Variants in ERICH6B observed in about 807,000 individuals in gnomAD.
ERICH6B encodes the protein glutamate rich 6B.
Under a neutral mutation model 80.0 loss-of-function variants are expected in ERICH6B, and 69 were observed. The observed-to-expected ratio is 0.86, with a 90% CI of 0.71 to 1.05. ERICH6B has a LOEUF of 1.05. Among genes scored for constraint, ERICH6B ranks in the 50% least tolerant of loss-of-function variants. The pLI, the probability that ERICH6B is intolerant of heterozygous loss-of-function variation, is 0.00. For missense variants in ERICH6B, 754 were observed against 796.1 expected, an observed-to-expected ratio of 0.95 and a Z score of 0.64; for synonymous variants, 283 against 291.9, an observed-to-expected ratio of 0.97 and a Z score of 0.31.
intron 3 of ERICH6B, among the ~76,000 whole-genome samples, chr13:45,593,199 G>A (rs529374059): frequency 6.6e-6 from 1 of 152,162 alleles, no homozygotes; most frequent in African/African-American, 2.4e-5. Flanking sequence ...GGTGGGTGGG[G>A]GTTGTTAGTC....
At chr13:45,585,404 G>A (rs1015229112) in intron 5 of ERICH6B, among the ~76,000 whole-genome samples, 13 of 152,046 alleles carry the variant, frequency 8.6e-5, no homozygotes, top group African/African-American at 2.2e-4. Flanking sequence ...TCACACTTGC[G>A]CCGTTCTGTT....
intron 4 of ERICH6B, among the ~76,000 whole-genome samples, chr13:45,588,427 G>A (rs1042467977): frequency 3.9e-5 from 6 of 152,184 alleles, no homozygotes; most frequent in Non-Finnish European, 7.4e-5. Flanking sequence ...GCAGGTGACC[G>A]CAGGGATTAA....
At chr13:45,542,978 T>C (rs901591227) in intron 14 of ERICH6B, among the ~76,000 whole-genome samples, 1 of 152,230 alleles carries the variant, frequency 6.6e-6, no homozygotes, top group Admixed American at 6.5e-5. Context: ...TGCACACAGC[T>C]GCATCTATTC....
At chr13:45,581,420 A>G (rs1875661637) in intron 5 of ERICH6B, among the ~76,000 whole-genome samples, 1 of 152,178 alleles carries the variant, frequency 6.6e-6, no homozygotes, top group South Asian at 2.1e-4. Context: ...TCTGTTGCCC[A>G]GGTTGGAGTG....
At chr13:45,556,590 C>T (rs1032029201) in intron 11 of ERICH6B, among the ~76,000 whole-genome samples, 16 of 152,156 alleles carry the variant, frequency 1.1e-4, no homozygotes, top group South Asian at 4.1e-4. Flanking sequence ...TCTATTGTGT[C>T]ATTCTTATTC....
chr13:45,568,970 A>AC (rs1462273524), intron 8 of ERICH6B, among the ~76,000 whole-genome samples: 1 of 152,226 alleles, frequency 6.6e-6, no homozygotes, highest in African/African-American at 2.4e-5. Context: ...TAAGAGCGTA[A>AC]CAAGTTTTCT....
At chr13:45,591,026 G>A (rs1002623134) in intron 3 of ERICH6B, among the ~76,000 whole-genome samples, 1 of 152,206 alleles carries the variant, frequency 6.6e-6, no homozygotes, top group Non-Finnish European at 1.5e-5. Flanking sequence ...AGGTGCAGGG[G>A]ATATATGTAT....
intron 8 of ERICH6B, among the ~76,000 whole-genome samples, chr13:45,568,719 C>G (rs530522474): frequency 2.0e-5 from 3 of 152,126 alleles, no homozygotes; most frequent in Middle Eastern, 3.4e-3. Context: ...CATCCTGTAC[C>G]CTGAATTTAA....
At position 45,544,790 on chromosome 13, in the gene ERICH6B, C is replaced by T. The variant is rs1873923813; in HGVS notation, c.1842G>A (p.Gln614=). 6.4e-7 allele frequency: 1 copy of T among 1,551,582 alleles called. No individual in the cohort carries two copies. Among genetic ancestry groups the T allele is most frequent in the African/African-American group, 1.4e-5 (1 of 73,032 alleles). Residue 614 remains glutamine (Q), a synonymous_variant, in exon 14 of 15, where the codon CAG becomes CAA. Transcript: ENST00000298738. ...IIFCFTYEQK[Q]ICLNLGTRYK... is the part of the protein sequence containing the mutation. ...ACCTGGTGCCCAGGTTTAAACAAAT[C>T]TGCTTCTGTTCATAGGTGAAGCAGA...
intron 5 of ERICH6B, among the ~76,000 whole-genome samples, chr13:45,586,141 G>A (rs1396351906): frequency 2.6e-5 from 4 of 152,200 alleles, no homozygotes; most frequent in Middle Eastern, 3.4e-3. Flanking sequence ...GCTGAAAAAG[G>A]TCCCCAGTGA....
Position 45,541,556 on chromosome 13 carries a change from G to C in ERICH6B, c.1997C>G (p.Thr666Ser). 4 of 1,552,066 alleles carry C rather than the reference G, an allele frequency of 2.6e-6. No individual in the cohort carries two copies. Among genetic ancestry groups the C allele is most frequent in the Non-Finnish European group, 3.5e-6 (4 of 1,147,086 alleles). The change falls in exon 15 of 15, where the codon ACC becomes AGC. Residue 666 changes from threonine to serine, a missense_variant. Thr to Ser is a moderately conservative substitution (Grantham distance 58). Transcript: ENST00000298738. ...GKMNRLLNYA[T>S]TPDLENFIEA... The stretch of plus-strand genomic sequence containing the variant: ...TATGAAGTTTTCCAGATCAGGGGTG[G>C]TCGCGTAATTCAGGAGCCTATTCAT...
intron 11 of ERICH6B, among the ~76,000 whole-genome samples, chr13:45,560,837 CAT>C (rs1277341874): frequency 2.6e-5 from 4 of 151,966 alleles, no homozygotes; most frequent in Admixed American, 2.6e-4. Context: ...ATGAATGTAC[CAT>C]AGCTTATTTA....
chr13:45,582,433 T>G (rs1166539890), intron 5 of ERICH6B, among the ~76,000 whole-genome samples: 2 of 152,252 alleles, frequency 1.3e-5, no homozygotes, highest in African/African-American at 4.8e-5. Context: ...TCCAGCCTGC[T>G]GTTTTTGGGG....
At chr13:45,601,951 A>G (rs1350325221) in intron 2 of ERICH6B, among the ~76,000 whole-genome samples, 1 of 152,150 alleles carries the variant, frequency 6.6e-6, no homozygotes, top group Non-Finnish European at 1.5e-5. Flanking sequence ...CACTGTTATT[A>G]TTGCACACTT....
chr13:45,550,217 GCTT>G lies in ERICH6B; in HGVS notation c.1493+11_1493+13del, dbSNP rs1214656771. On this transcript the variant is annotated intron_variant, in intron 12 of 14. Transcript: ENST00000298738. ...TATATGTCAATACGAGCATCCCTGT[GCTT>G]CTGTGGATACTGTATCTGGCCTGTC... 6.5e-7 allele frequency: 1 copy of G among 1,548,810 alleles called. No individual in the cohort carries two copies. Among genetic ancestry groups the G allele is most frequent in the Admixed American group, 2.0e-5 (1 of 50,988 alleles).
chr13:45,573,510 C>T (rs1050317832), intron 8 of ERICH6B, among the ~76,000 whole-genome samples: 1 of 152,154 alleles, frequency 6.6e-6, no homozygotes, highest in African/African-American at 2.4e-5. Flanking sequence ...CAGCTGGTAG[C>T]TTCACAGTGT....
intron 9 of ERICH6B, among the ~76,000 whole-genome samples, chr13:45,564,329 G>A (rs1417126971): frequency 6.6e-6 from 1 of 152,202 alleles, no homozygotes; most frequent in African/African-American, 2.4e-5. Context: ...AGTCATCCTG[G>A]CGTTTCAGTG....
intron 14 of ERICH6B, 29 bp downstream of exon 14, chr13:45,544,731 G>A (rs1474477366): frequency 6.5e-7 from 1 of 1,541,268 alleles, no homozygotes; most frequent in Admixed American, 2.0e-5. Context: ...ACCCCACCTG[G>A]TGGAGGGTAT....
chr13:45,552,716 C>G (rs1013440648), intron 11 of ERICH6B: 8 of 152,072 alleles, frequency 5.3e-5, no homozygotes, highest in African/African-American at 1.9e-4. Context: ...TTTGATATTC[C>G]AGGGAAATAG....
Sources: allele counts gnomAD v4.1 joint callset (sites outside exome capture counted in the v4.1 genomes callset), GRCh38; gene constraint gnomAD v4.1.1; transcripts MANE v1.5; gene names NCBI Gene and HGNC (gene_info 2026-07-23, HGNC 2026-07-21).